The following CLEC16A variants were observed in gnomAD, a reference collection of about 807,000 sequenced individuals.
The protein encoded by CLEC16A is protein CLEC16A.
CLEC16A carries 51 observed loss-of-function variants against 109.5 expected under a neutral mutation model. The ratio of observed to expected loss-of-function variants is 0.47; its 90% confidence interval spans 0.37 to 0.59. The LOEUF is 0.59. Among genes scored for constraint, CLEC16A ranks in the 20% least tolerant of loss-of-function variants. The pLI is 0.00. For synonymous variants in CLEC16A, 673 were observed against 564.2 expected (o/e 1.19, Z -2.73); for missense variants, 1,339 against 1,394.0 (o/e 0.96, Z 0.63).
At chr16:10,962,689 G>T in intron 3 of CLEC16A, 101 bp downstream of exon 3, 1 of 1,285,816 alleles carries the variant, frequency 7.8e-7, no homozygotes, top group Non-Finnish European at 1.1e-6. Context: ...CGTCGGCTCA[G>T]GCTATCCTAA....
chr16:11,020,789 C>G (rs963043030), intron 12 of CLEC16A, among the ~76,000 whole-genome samples: 4 of 152,254 alleles, frequency 2.6e-5, no homozygotes, highest in African/African-American at 9.6e-5. Flanking sequence ...CTGCCATCCA[C>G]CTTTGACTTT....
chr16:11,035,249 G>A (rs2046956389), intron 13 of CLEC16A, among the ~76,000 whole-genome samples: 1 of 152,156 alleles, frequency 6.6e-6, no homozygotes, highest in African/African-American at 2.4e-5. Flanking sequence ...TTCTGTGTGG[G>A]TGATGGTTGG....
intron 10 of CLEC16A, among the ~76,000 whole-genome samples, chr16:10,998,141 CTT>C (rs1344991033): frequency 3.3e-5 from 5 of 152,288 alleles, no homozygotes; most frequent in African/African-American, 9.6e-5. Flanking sequence ...AAGTGTTTGA[CTT>C]TTGAAAAAGC....
intron 19 of CLEC16A, among the ~76,000 whole-genome samples, chr16:11,114,128 CGTGTGTGTGTGTGTGTGTGTGTGTGT>C (rs3030600): frequency 1.2e-3 from 151 of 127,326 alleles, no homozygotes; most frequent in African/African-American, 4.2e-3. Flanking sequence ...TGAGGATGGC[CGTGTGTGTGTGTGTGTGTGTGTGTGT>C]GTGTGTGTGT....
At chr16:11,167,572 C>G (rs1489383491) in intron 23 of CLEC16A, among the ~76,000 whole-genome samples, 1 of 152,174 alleles carries the variant, frequency 6.6e-6, no homozygotes, top group Non-Finnish European at 1.5e-5. Flanking sequence ...ACACCTCTCT[C>G]TTGGGCACTT....
intron 10 of CLEC16A, among the ~76,000 whole-genome samples, chr16:10,997,297 C>T (rs117635598): frequency 0.019 from 2,826 of 152,298 alleles, 48 homozygotes; most frequent in Middle Eastern, 0.054. Context: ...CACATAAATA[C>T]AATAAAGTAC....
intron 22 of CLEC16A, among the ~76,000 whole-genome samples, chr16:11,132,863 C>T (rs186537671): frequency 8.5e-5 from 13 of 152,210 alleles, no homozygotes; most frequent in Non-Finnish European, 1.6e-4. Context: ...GGATGGGAGG[C>T]TGGGGGACAG....
chr16:11,148,934 GC>G (rs1170125252), intron 22 of CLEC16A, among the ~76,000 whole-genome samples: 14 of 152,228 alleles, frequency 9.2e-5, no homozygotes, highest in African/African-American at 2.7e-4. Context: ...CCATAGAAGG[GC>G]TCTCATGATT....
At chr16:11,043,515 A>G (rs1031199202) in intron 15 of CLEC16A, among the ~76,000 whole-genome samples, 5 of 152,118 alleles carry the variant, frequency 3.3e-5, no homozygotes, top group Admixed American at 3.3e-4. Flanking sequence ...CGAATTACCT[A>G]TCCTTTCCCC....
In CLEC16A at chr16:11,168,470, A is replaced by G. The variant is rs1004377734; in HGVS notation, c.2806+1918A>G. ...GTGTGTAGGTCCCCATTCTTTATGC[A>G]GCATGACAGTAAAAGCCTGAGGCCC... On this transcript the variant is annotated intron_variant, in intron 23 of 23. Coordinates refer to ENST00000409790, the MANE Select transcript of CLEC16A (RefSeq NM_015226.3). 2.0e-5 allele frequency among the ~76,000 whole-genome samples: 3 copies of G among 152,240 alleles called. No homozygotes were observed. In the South Asian group the frequency reaches 6.2e-4, roughly 32 times the overall value.
chr16:11,013,145 T>G (rs563491166), intron 11 of CLEC16A, among the ~76,000 whole-genome samples: 1 of 152,194 alleles, frequency 6.6e-6, no homozygotes, highest in Non-Finnish European at 1.5e-5. Context: ...ACATGCAGAC[T>G]CCACATAGAC....
intron 11 of CLEC16A, among the ~76,000 whole-genome samples, chr16:11,005,543 G>A (rs1376254620): frequency 6.6e-6 from 1 of 152,124 alleles, no homozygotes; most frequent in African/African-American, 2.4e-5. Flanking sequence ...AAATATGATG[G>A]ATCTGTCATT....
intron 11 of CLEC16A, among the ~76,000 whole-genome samples, chr16:11,008,068 G>A (rs1476798677): frequency 6.6e-6 from 1 of 152,152 alleles, no homozygotes; most frequent in African/African-American, 2.4e-5. Flanking sequence ...AGAGCACTTA[G>A]CGCACACACT....
At chr16:11,039,391 T>G (rs953493978) in intron 13 of CLEC16A, among the ~76,000 whole-genome samples, 4 of 152,230 alleles carry the variant, frequency 2.6e-5, no homozygotes, top group Admixed American at 2.6e-4. Flanking sequence ...AGAAAATGTA[T>G]GTTTTAATAC....
At chr16:10,950,569 G>A (rs983861586) in intron 1 of CLEC16A, among the ~76,000 whole-genome samples, 1 of 152,224 alleles carries the variant, frequency 6.6e-6, no homozygotes, top group Admixed American at 6.5e-5. Context: ...TTCACCAGGG[G>A]AAGCACAGCC....
chr16:10,971,454 A>G (rs538774095), intron 5 of CLEC16A: 986 of 646,942 alleles, frequency 1.5e-3, no homozygotes, highest in Non-Finnish European at 1.8e-3. Flanking sequence ...TCATGCTGCT[A>G]CATAGAAGTA....
chr16:10,947,353 G>C (rs561774784), intron 1 of CLEC16A, among the ~76,000 whole-genome samples: 1 of 151,070 alleles, frequency 6.6e-6, no homozygotes, highest in African/African-American at 2.5e-5. Flanking sequence ...GGAGTTTGCA[G>C]GCTGGTGGGG....
At chr16:11,149,747 C>T (rs185633359) in intron 22 of CLEC16A, 5 of 151,218 alleles carry the variant, frequency 3.3e-5, no homozygotes, top group African/African-American at 1.2e-4. Context: ...CAAGATCACA[C>T]CAGTTCACTC....
At chr16:11,035,902 C>T (rs1397299187) in intron 13 of CLEC16A, 1 of 152,206 alleles carries the variant, frequency 6.6e-6, no homozygotes. Flanking sequence ...TTTTAAAGGC[C>T]ATGGTGGGAA....
Sources: gnomAD v4.1 joint callset for allele counts (sites outside exome capture counted in the v4.1 genomes callset) on GRCh38, gnomAD v4.1.1 for gene constraint, MANE v1.5 for transcripts, NCBI Gene and HGNC (gene_info 2026-07-23, HGNC 2026-07-21) for gene names.